TBCA: variants seen among roughly 807,000 people sequenced by gnomAD.
TBCA encodes the protein tubulin-specific chaperone A.
A neutral mutation model predicts 15.8 loss-of-function variants in TBCA; 6 were observed. That is an observed-to-expected ratio of 0.38 (90% CI 0.21 to 0.75). The LOEUF (loss-of-function observed/expected upper bound fraction) is 0.75, where lower values mean the gene tolerates loss of function less well. TBCA is among the 30% of genes least tolerant of loss of function. The pLI is 0.46. For synonymous variants in TBCA, 32 were observed against 42.3 expected (o/e 0.76, Z 0.94); for missense variants, 90 against 131.2 (o/e 0.69, Z 1.53).
intron 1 of TBCA, 96 bp downstream of exon 1, chr5:77,776,109 C>T (rs1748019472): frequency 2.0e-6 from 3 of 1,475,436 alleles, no homozygotes; most frequent in Admixed American, 4.0e-5. Flanking sequence ...GTTCGGAGCC[C>T]GCCTCGGGCC....
At chr5:77,745,743 C>T (rs1747172159) in intron 1 of TBCA, among the ~76,000 whole-genome samples, 1 of 152,132 alleles carries the variant, frequency 6.6e-6, no homozygotes, top group African/African-American at 2.4e-5. Flanking sequence ...GAAATAAATC[C>T]AGTGAAGAAA....
chr5:77,735,587 G>A (rs1170121400), intron 1 of TBCA, among the ~76,000 whole-genome samples: 1 of 152,046 alleles, frequency 6.6e-6, no homozygotes, highest in Non-Finnish European at 1.5e-5. Context: ...GCTAATTTTA[G>A]TCCATATTTA....
intron 1 of TBCA, among the ~76,000 whole-genome samples, chr5:77,761,299 C>G (rs1580135229): frequency 6.6e-6 from 1 of 152,150 alleles, no homozygotes; most frequent in South Asian, 2.1e-4. Context: ...AAGAAAAATT[C>G]TTCTGCCTTG....
intron 1 of TBCA, among the ~76,000 whole-genome samples, chr5:77,733,062 G>C (rs140593617): frequency 6.6e-6 from 1 of 152,160 alleles, no homozygotes; most frequent in African/African-American, 2.4e-5. Flanking sequence ...CGGGTGGATT[G>C]CTGAGGTCAG....
rs767668804 is a variant in TBCA, at chr5:77,776,251, C to G, written c.7G>C (p.Asp3His). MA[D>H]PRVRQIKIKT... ...ATCTTGATCTGTCTCACGCGAGGAT[C>G]GGCCATGGTCCCTCGAGCGCCGCGA... Residue 3 changes from aspartate to histidine, a missense_variant, in exon 1 of 4, where the codon GAT (aspartate) becomes CAT (histidine). Physicochemically the swap from Asp to His is moderately conservative, Grantham distance 81. Transcript: ENST00000380377. 2.5e-5 allele frequency: 40 copies of G among 1,579,512 alleles called. No homozygotes were observed. The highest frequency in any genetic ancestry group is 3.3e-5 in the Non-Finnish European group (38 of 1,163,806).
chr5:77,731,235 T>C (rs553412615), intron 1 of TBCA, among the ~76,000 whole-genome samples: 1 of 152,230 alleles, frequency 6.6e-6, no homozygotes, highest in Non-Finnish European at 1.5e-5. Context: ...TATAGGTGAC[T>C]AATAATATTA....
intron 1 of TBCA, among the ~76,000 whole-genome samples, chr5:77,740,872 T>A (rs769705420): frequency 6.6e-6 from 1 of 152,242 alleles, no homozygotes; most frequent in African/African-American, 2.4e-5. Context: ...TTATTCACTA[T>A]TGTATCTCTG....
At chr5:77,727,996 C>T (rs1462452116) in intron 1 of TBCA, among the ~76,000 whole-genome samples, 2 of 152,080 alleles carry the variant, frequency 1.3e-5, no homozygotes, top group South Asian at 2.1e-4. Context: ...AGAAAAATTA[C>T]TAAGCAAGGA....
intron 1 of TBCA, among the ~76,000 whole-genome samples, chr5:77,770,904 G>A (rs879931726): frequency 2.0e-5 from 3 of 152,066 alleles, no homozygotes; most frequent in African/African-American, 7.2e-5. Context: ...GGGAGGCCAC[G>A]GCAGGTGGAT....
intron 2 of TBCA, among the ~76,000 whole-genome samples, chr5:77,707,689 T>C (rs1030775574): frequency 6.6e-6 from 1 of 152,092 alleles, no homozygotes; most frequent in African/African-American, 2.4e-5. Flanking sequence ...AAAAGTGCAA[T>C]GCGTATTTTA....
intron 1 of TBCA, among the ~76,000 whole-genome samples, chr5:77,728,500 A>C (rs1028668940): frequency 7.2e-5 from 11 of 152,152 alleles, no homozygotes; most frequent in Non-Finnish European, 4.4e-5. Flanking sequence ...AAAGGAAAGA[A>C]CCATGTAAAC....
chr5:77,776,117 G>A (rs1454648727), intron 1 of TBCA, 88 bp downstream of exon 1: 2 of 1,499,986 alleles, frequency 1.3e-6, no homozygotes, highest in Non-Finnish European at 1.8e-6. Context: ...CCCGCCTCGG[G>A]CCTCCTCGGG....
At chr5:77,727,190 T>A (rs1248791169) in intron 1 of TBCA, among the ~76,000 whole-genome samples, 1 of 130,064 alleles carries the variant, frequency 7.7e-6, no homozygotes. Context: ...TCAGCCAAGA[T>A]CACGCCACAG....
intron 1 of TBCA, among the ~76,000 whole-genome samples, chr5:77,772,196 T>C (rs1174332618): frequency 1.3e-5 from 2 of 152,002 alleles, no homozygotes; most frequent in African/African-American, 4.8e-5. Context: ...AAAAAGCATA[T>C]CTTTTAGACC....
At chr5:77,732,536 G>A (rs1746797145) in intron 1 of TBCA, among the ~76,000 whole-genome samples, 1 of 121,196 alleles carries the variant, frequency 8.3e-6, no homozygotes, top group Non-Finnish European at 1.6e-5. Context: ...GGGCGACAGA[G>A]TGAGACTCTG....
chr5:77,723,001 A>T (rs1329073908), intron 1 of TBCA, among the ~76,000 whole-genome samples: 1 of 151,850 alleles, frequency 6.6e-6, no homozygotes, highest in Non-Finnish European at 1.5e-5. Context: ...AAATTTTTTT[A>T]AATTCCAATT....
At chr5:77,759,683 T>A (rs1747560760) in intron 1 of TBCA, among the ~76,000 whole-genome samples, 1 of 152,226 alleles carries the variant, frequency 6.6e-6, no homozygotes, top group Non-Finnish European at 1.5e-5. Context: ...TGTTTAGGCA[T>A]CTCAGTAGGC....
chr5:77,771,355 A>G (rs1208892617), intron 1 of TBCA, among the ~76,000 whole-genome samples: 1 of 152,138 alleles, frequency 6.6e-6, no homozygotes, highest in Non-Finnish European at 1.5e-5. Context: ...CTTAGCACCA[A>G]TTCAGCCTCA....
intron 2 of TBCA, among the ~76,000 whole-genome samples, chr5:77,699,955 T>C (rs1338012497): frequency 6.7e-6 from 1 of 149,886 alleles, no homozygotes; most frequent in Non-Finnish European, 1.5e-5. Context: ...GGAGAATTGC[T>C]TGAACCTGGG....
Sources: allele counts gnomAD v4.1 joint callset (sites outside exome capture counted in the v4.1 genomes callset), GRCh38; gene constraint gnomAD v4.1.1; transcripts MANE v1.5; gene names NCBI Gene and HGNC (gene_info 2026-07-23, HGNC 2026-07-21).